The following KANSL1L variants were observed in gnomAD, a reference collection of about 807,000 sequenced individuals.
KANSL1L encodes KAT8 regulatory NSL complex subunit 1-like protein.
A neutral mutation model predicts 108.6 loss-of-function variants in KANSL1L; 25 were observed. That is an observed-to-expected ratio of 0.23 (90% confidence interval 0.17 to 0.32). The LOEUF is 0.32. Ranked by LOEUF, KANSL1L falls within the 10% of genes least tolerant of loss-of-function variation. The probability of loss-of-function intolerance (pLI) is 1.00; values close to 1 mark genes in which losing one functional copy is unlikely to be tolerated. For missense variants in KANSL1L, 1,137 were observed against 1,125.7 expected, an observed-to-expected ratio of 1.01 and a Z score of -0.14; for synonymous variants, 405 against 395.1, an observed-to-expected ratio of 1.03 and a Z score of -0.30.
chr2:210,114,046 A>G (rs544013303), intron 3 of KANSL1L, among the ~76,000 whole-genome samples: 2 of 152,316 alleles, frequency 1.3e-5, no homozygotes, highest in African/African-American at 4.8e-5. Flanking sequence ...AACTTCCCAG[A>G]TATGATGAAA....
chr2:210,029,174 A>G (rs1222047648), intron 10 of KANSL1L: 2 of 491,158 alleles, frequency 4.1e-6, no homozygotes, highest in Non-Finnish European at 7.1e-6. Context: ...CTCTTGGTAG[A>G]TGTGTAATGT....
At chr2:210,064,066 G>A (rs1381521078) in intron 6 of KANSL1L, 1 of 152,138 alleles carries the variant, frequency 6.6e-6, no homozygotes, top group Non-Finnish European at 1.5e-5. Flanking sequence ...TAGTGAATAA[G>A]TCTCACAAGA....
intron 5 of KANSL1L, among the ~76,000 whole-genome samples, chr2:210,084,495 T>C (rs904791503): frequency 7.9e-5 from 12 of 152,272 alleles, no homozygotes; most frequent in African/African-American, 2.9e-4. Flanking sequence ...ATAAAAAGCT[T>C]CAGATATAAT....
At chr2:210,025,384 G>A (rs933290848) in intron 12 of KANSL1L, among the ~76,000 whole-genome samples, 168 bp from the exon 13 acceptor site, 2 of 152,064 alleles carry the variant, frequency 1.3e-5, no homozygotes, top group Non-Finnish European at 2.9e-5. Context: ...GTGAAATCCC[G>A]TCTCTACTAA....
chr2:210,147,282 A>C (rs995490014), intron 2 of KANSL1L, among the ~76,000 whole-genome samples: 1 of 152,144 alleles, frequency 6.6e-6, no homozygotes, highest in African/African-American at 2.4e-5. Context: ...CAACATAGCT[A>C]AACCTTGTCT....
intron 7 of KANSL1L, chr2:210,043,677 G>C (rs1318752986): frequency 2.1e-5 from 6 of 283,144 alleles, no homozygotes; most frequent in Middle Eastern, 1.0e-3. Flanking sequence ...AATTTAACAA[G>C]ATAAAAACCT....
intron 5 of KANSL1L, chr2:210,097,300 TA>T (rs2094746414): frequency 2.5e-6 from 2 of 784,770 alleles, no homozygotes; most frequent in African/African-American, 3.8e-5. Flanking sequence ...TTTTATGCTA[TA>T]TTAGAAAGTT....
chr2:210,087,077 G>C (rs1368969833), intron 5 of KANSL1L, among the ~76,000 whole-genome samples: 2 of 150,328 alleles, frequency 1.3e-5, no homozygotes, highest in Non-Finnish European at 3.0e-5. Context: ...CACCTAGGCT[G>C]GAGTGCAGTG....
At chr2:210,130,037 A>T (rs1365685419) in intron 2 of KANSL1L, among the ~76,000 whole-genome samples, 1 of 151,898 alleles carries the variant, frequency 6.6e-6, no homozygotes, top group African/African-American at 2.4e-5. Flanking sequence ...ACTGTAGGAC[A>T]ACAATGACTT....
At chr2:210,039,763 T>C (rs1398193865) in intron 8 of KANSL1L, among the ~76,000 whole-genome samples, 2 of 151,846 alleles carry the variant, frequency 1.3e-5, no homozygotes, top group East Asian at 1.9e-4. Context: ...CTAGAACTTA[T>C]TCTGATTCAT....
intron 5 of KANSL1L, chr2:210,096,650 T>A (rs921819838): frequency 1.0e-6 from 1 of 983,818 alleles, no homozygotes; most frequent in African/African-American, 1.7e-5. Context: ...CAGCTTAAAA[T>A]ACATTCACCT....
intron 13 of KANSL1L, 116 bp downstream of exon 13, chr2:210,024,988 T>C (rs149071192): frequency 4.2e-5 from 29 of 685,338 alleles, no homozygotes; most frequent in African/African-American, 1.4e-4. Flanking sequence ...TGGTGCACAA[T>C]AGCTGATGTT....
At chr2:210,073,325 G>A (rs1422854089) in intron 6 of KANSL1L, among the ~76,000 whole-genome samples, 1 of 152,100 alleles carries the variant, frequency 6.6e-6, no homozygotes, top group Non-Finnish European at 1.5e-5. Flanking sequence ...GGATAAGTCT[G>A]AGTCTACATC....
At chr2:210,028,630 A>C in intron 11 of KANSL1L, 6 of 399,968 alleles carry the variant, frequency 1.5e-5, no homozygotes, top group South Asian at 3.8e-5. Flanking sequence ...AAAGTAGTCT[A>C]GGAATTCCTA....
intron 11 of KANSL1L, chr2:210,028,589 GATA>G (rs746900650): frequency 2.1e-4 from 68 of 317,942 alleles, no homozygotes; most frequent in Non-Finnish European, 3.4e-4. Context: ...GATAACACTG[GATA>G]ATAATAATAA....
intron 3 of KANSL1L, among the ~76,000 whole-genome samples, chr2:210,110,155 C>T (rs979630705): frequency 1.3e-5 from 2 of 152,204 alleles, no homozygotes; most frequent in African/African-American, 4.8e-5. Flanking sequence ...TACCTACATA[C>T]TCCTTTCTCC....
At position 210,024,151 on chromosome 2, in the gene KANSL1L, G is replaced by A. The variant is rs2093900989; in HGVS notation, c.2615C>T (p.Pro872Leu). The change falls in exon 14 of 15, where the codon CCT (proline) becomes CTT (leucine). Residue 872 changes from proline to leucine, a missense_variant. By Grantham distance (98) the Pro-to-Leu change is moderately conservative (BLOSUM62 -3). This residue lies in a region of KANSL1L where 575 missense variants were observed against 567.1 expected (regional missense o/e 1.01). Coordinates refer to ENST00000281772, the MANE Select transcript of KANSL1L (RefSeq NM_152519.4). ...EGQDLLLKEY[P>L]NNFSSSQQCA... ...TTGCTGACTGCTACTGAAGTTATTA[G>A]GGTATTCTTTCAAAAGCAAGTCCTG... is the stretch of plus-strand genomic sequence containing the variant. The A allele has an allele frequency of 6.2e-7, 1 of 1,608,200 alleles. No homozygotes were observed. The highest frequency in any genetic ancestry group is 1.7e-5 in the Admixed American group (1 of 59,136).
At position 210,028,949 on chromosome 2, in the gene KANSL1L, C is replaced by T. The variant is rs140515319; in HGVS notation, c.2292G>A (p.Leu764=). Residue 764 remains leucine (L), a synonymous_variant, in exon 11 of 15, where the codon TTG becomes TTA. Transcript: ENST00000281772. ...CTATGTCATAAGAGCTCTCACTTCT[C>T]AATCTCCGTCGTGCAGTATTCTGCA... ...NSSRNTARRR[L]RSESSYDIDN... The T allele has an allele frequency of 1.9e-5, 31 of 1,611,228 alleles. No individual in the cohort carries two copies. The highest frequency in any genetic ancestry group is 1.3e-5 in the Non-Finnish European group (15 of 1,178,256).
At chr2:210,111,711 CTTTTT>C (rs558766388) in intron 3 of KANSL1L, among the ~76,000 whole-genome samples, 1 of 150,712 alleles carries the variant, frequency 6.6e-6, no homozygotes, top group African/African-American at 2.4e-5. Flanking sequence ...CTTTTTTTTT[CTTTTT>C]TTTAACTTTT....
Sources: allele counts gnomAD v4.1 joint callset (sites outside exome capture counted in the v4.1 genomes callset), GRCh38; gene constraint gnomAD v4.1.1; regional missense constraint gnomAD v4.1.1; transcripts MANE v1.5; gene names NCBI Gene and HGNC (gene_info 2026-07-23, HGNC 2026-07-21).